RBFOX1: variants seen among roughly 807,000 people sequenced by gnomAD.
RBFOX1 encodes the protein RNA binding fox-1 homolog 1.
RBFOX1 carries 8 observed loss-of-function variants against 57.7 expected under a neutral mutation model. The observed-to-expected ratio is 0.14, with a 90% CI of 0.08 to 0.25. The LOEUF (loss-of-function observed/expected upper bound fraction) is 0.25. RBFOX1 is among the 10% of genes least tolerant of loss of function. The pLI is 1.00. For synonymous variants in RBFOX1, 326 were observed against 222.4 expected (o/e 1.47, Z -4.15); for missense variants, 611 against 548.5 (o/e 1.11, Z -1.14).
chr16:5,756,355 G>A (rs74006255), intron 3 of RBFOX1, among the ~76,000 whole-genome samples: 2 of 151,660 alleles, frequency 1.3e-5, no homozygotes, highest in African/African-American at 4.8e-5. Context: ...ACTTAACCTA[G>A]CAAAACTGGA....
At chr16:6,103,382 T>G (rs979453371) in intron 1 of RBFOX1, among the ~76,000 whole-genome samples, 2 of 152,144 alleles carry the variant, frequency 1.3e-5, no homozygotes, top group African/African-American at 4.8e-5. Context: ...ATGTAAGATA[T>G]CTAACATATG....
chr16:5,624,708 C>T (rs1014431605), intron 3 of RBFOX1, among the ~76,000 whole-genome samples: 1 of 152,246 alleles, frequency 6.6e-6, no homozygotes, highest in African/African-American at 2.4e-5. Context: ...ATGCATCAGG[C>T]TAGCTGGCTT....
chr16:6,077,689 C>CTTATTTATTTAT (rs71142676), intron 1 of RBFOX1, among the ~76,000 whole-genome samples: 11 of 150,452 alleles, frequency 7.3e-5, no homozygotes, highest in East Asian at 3.9e-4. Context: ...TTTATTTTTA[C>CTTATTTATTTAT]TTATTTATTT....
At chr16:5,661,825 G>T (rs555678192) in intron 3 of RBFOX1, among the ~76,000 whole-genome samples, 107 of 152,078 alleles carry the variant, frequency 7.0e-4, no homozygotes, top group African/African-American at 2.5e-3. Flanking sequence ...TCACTCTGTT[G>T]CCCAGGCTGG....
At chr16:6,952,416 G>A (rs761571604) in intron 3 of RBFOX1, among the ~76,000 whole-genome samples, 11 of 152,160 alleles carry the variant, frequency 7.2e-5, no homozygotes, top group Non-Finnish European at 1.3e-4. Context: ...TGAGGCCAAG[G>A]CAGGAGGATT....
intron 2 of RBFOX1, among the ~76,000 whole-genome samples, chr16:6,590,550 T>G (rs1445958568): frequency 6.6e-6 from 1 of 152,212 alleles, no homozygotes; most frequent in East Asian, 1.9e-4. Flanking sequence ...GCGACTAGTT[T>G]GTAACTCATT....
chr16:5,920,210 A>G (rs368143490), intron 4 of RBFOX1, among the ~76,000 whole-genome samples: 2 of 152,210 alleles, frequency 1.3e-5, no homozygotes, highest in African/African-American at 4.8e-5. Flanking sequence ...CTGGGTTTAC[A>G]GGCCTGAGCC....
At chr16:5,330,754 A>G (rs965091107) in intron 1 of RBFOX1, among the ~76,000 whole-genome samples, 3 of 151,218 alleles carry the variant, frequency 2.0e-5, no homozygotes, top group Non-Finnish European at 4.4e-5. Flanking sequence ...ACAGCAGACA[A>G]GGAGCATCAT....
intron 2 of RBFOX1, among the ~76,000 whole-genome samples, chr16:6,375,625 A>T (rs568115645): frequency 1.3e-5 from 2 of 152,196 alleles, no homozygotes; most frequent in South Asian, 4.1e-4. Flanking sequence ...TGATTGCTGG[A>T]CAGCCCCCTT....
chr16:7,525,987 G>A (rs569420008), intron 5 of RBFOX1, among the ~76,000 whole-genome samples: 1 of 152,312 alleles, frequency 6.6e-6, no homozygotes, highest in East Asian at 1.9e-4. Flanking sequence ...CTGGTCTGTA[G>A]CCTGTTGGGA....
chr16:6,811,690 G>A (rs893905888), intron 3 of RBFOX1, among the ~76,000 whole-genome samples: 1 of 152,116 alleles, frequency 6.6e-6, no homozygotes, highest in Non-Finnish European at 1.5e-5. Flanking sequence ...AGGAGTTTAA[G>A]ACTAGCCTGG....
intron 1 of RBFOX1, among the ~76,000 whole-genome samples, chr16:5,254,706 C>T (rs2062541108): frequency 6.6e-6 from 1 of 152,182 alleles, no homozygotes; most frequent in Non-Finnish European, 1.5e-5. Flanking sequence ...ACAACAGTTC[C>T]AGCGTTTAGT....
chr16:7,295,585 T>A (rs753598907), intron 4 of RBFOX1, among the ~76,000 whole-genome samples: 1 of 152,066 alleles, frequency 6.6e-6, no homozygotes, highest in Admixed American at 6.6e-5. Context: ...AGTAGACATA[T>A]AATAGCAGCT....
chr16:5,309,654 C>T (rs910057200), intron 1 of RBFOX1, among the ~76,000 whole-genome samples: 4 of 152,148 alleles, frequency 2.6e-5, no homozygotes, highest in African/African-American at 9.7e-5. Context: ...TCATTCCTCA[C>T]TCCCCTCCCA....
chr16:7,198,081 C>T (rs1291292359), intron 4 of RBFOX1, among the ~76,000 whole-genome samples: 3 of 141,396 alleles, frequency 2.1e-5, no homozygotes, highest in African/African-American at 5.3e-5. Context: ...TCTCGGCTCA[C>T]TGCAAGCTCC....
chr16:7,175,087 G>A (rs971303444), intron 4 of RBFOX1, among the ~76,000 whole-genome samples: 2 of 151,212 alleles, frequency 1.3e-5, no homozygotes, highest in South Asian at 2.1e-4. Flanking sequence ...GGATGTGCAC[G>A]TTTGTTACAT....
intron 2 of RBFOX1, among the ~76,000 whole-genome samples, chr16:6,632,708 C>T (rs1472296188): frequency 6.6e-6 from 1 of 152,204 alleles, no homozygotes; most frequent in Non-Finnish European, 1.5e-5. Flanking sequence ...GCTTGCCAGG[C>T]CTAACCAACC....
intron 3 of RBFOX1, among the ~76,000 whole-genome samples, chr16:5,709,813 A>ATATATATATATATC (rs1270109374): frequency 4.4e-4 from 5 of 11,240 alleles, no homozygotes; most frequent in African/African-American, 2.8e-3. Context: ...GTTTCTTTAT[A>ATATATATATATATC]TATATATATA....
chr16:6,417,601 G>A (rs764528891), intron 2 of RBFOX1, among the ~76,000 whole-genome samples: 1 of 142,270 alleles, frequency 7.0e-6, no homozygotes, highest in Non-Finnish European at 1.5e-5. Context: ...TGTTGTCCAG[G>A]CTGGTCTTGA....
Sources: allele counts gnomAD v4.1 joint callset (sites outside exome capture counted in the v4.1 genomes callset), GRCh38; gene constraint gnomAD v4.1.1; transcripts MANE v1.5; gene names NCBI Gene and HGNC (gene_info 2026-07-23, HGNC 2026-07-21).